GRSF1: variants seen among roughly 807,000 people sequenced by gnomAD.
GRSF1 encodes the protein G-rich RNA sequence binding factor 1.
Under a neutral mutation model 51.1 loss-of-function variants are expected in GRSF1, and 50 were observed. The ratio of observed to expected loss-of-function variants is 0.98; its 90% CI spans 0.78 to 1.24. GRSF1 has a LOEUF of 1.24. Among genes scored for constraint, GRSF1 ranks in the 50% most tolerant of loss-of-function variants. The probability of loss-of-function intolerance (pLI) is 0.00; values close to 1 mark genes in which losing one functional copy is unlikely to be tolerated. For synonymous variants in GRSF1, 293 were observed against 253.3 expected (o/e 1.16, Z -1.49); for missense variants, 700 against 639.7 (o/e 1.09, Z -1.02).
intron 1 of GRSF1, 137 bp downstream of exon 1, chr4:70,839,334 G>A (rs1301555863): frequency 2.7e-6 from 4 of 1,503,774 alleles, no homozygotes; most frequent in Admixed American, 2.0e-5. Flanking sequence ...CAGGGTGGAC[G>A]GGGGCGGGTG....
intron 2 of GRSF1, among the ~76,000 whole-genome samples, chr4:70,833,917 G>A (rs1734088206): frequency 6.6e-6 from 1 of 152,150 alleles, no homozygotes; most frequent in South Asian, 2.1e-4. Flanking sequence ...GGCTCACTCT[G>A]GGCATACTGC....
rs1349076086 is a variant in GRSF1 at position 70,823,147 on chromosome 4, G to A, written c.*25+1147C>T. ...ACAGTGGCTCACGCCTGTAATCCCA[G>A]CACTTTGGGAGGCCGAGGCAGGCGG... On this transcript the variant is annotated intron_variant, in intron 9 of 9. Transcript: ENST00000254799. Among the ~76,000 whole-genome samples, 3 of 152,166 alleles carry A rather than the reference G, an allele frequency of 2.0e-5. No individual in the cohort carries two copies. In the East Asian group the frequency reaches 5.8e-4, roughly 29 times the overall value.
chr4:70,820,703 C>CT lies in GRSF1; in HGVS notation c.*183dup, dbSNP rs1449538702. 6.6e-6 allele frequency: 1 copy of CT among 152,582 alleles called. No homozygotes were observed. The highest frequency in any genetic ancestry group is 1.9e-4 in the East Asian group (1 of 5,202). 9.5% of individuals were successfully genotyped at this position (152,582 alleles called of 1,614,324 possible). A position where few individuals can be genotyped will look rare whatever the true frequency, so the allele number is the denominator to read the frequency against. On this transcript the variant is annotated 3_prime_UTR_variant, in exon 10 of 10. Transcript: ENST00000254799. ...TTTATTTCATAATCCCAAACTGGAT[C>CT]TTTCATTTCTTCTTCTAAACAGTCC... is the stretch of plus-strand genomic sequence containing the variant.
At position 70,836,139 on chromosome 4, in the gene GRSF1, A is replaced by C. The variant is rs751512600; in HGVS notation, c.514+19T>G. 8.0e-6 allele frequency: 11 copies of C among 1,373,202 alleles called. No homozygotes were observed. The highest frequency in any genetic ancestry group is 1.8e-4 in the Middle Eastern group (1 of 5,442). The allele number at this position is 1,373,202 out of a possible 1,614,324, so 85.1% of individuals were successfully genotyped here. On this transcript the variant is annotated intron_variant, in intron 2 of 9. Coordinates refer to ENST00000254799, the MANE Select transcript of GRSF1 (RefSeq NM_002092.4). ...TATAAGGAAAAAAAATAAATAAATA[A>C]AACATACATAAAATATACCTGAAAA...
In GRSF1 at chr4:70,816,828, T is replaced by C. The variant is rs909465381; in HGVS notation, c.*4059A>G. 1 of 152,198 alleles carries C rather than the reference T, an allele frequency of 6.6e-6. No homozygotes were observed. The highest frequency in any genetic ancestry group is 1.5e-5 in the Non-Finnish European group (1 of 68,048). 9.4% of individuals were successfully genotyped at this position (152,198 alleles called of 1,614,324 possible). Reference sequence around the variant, plus strand: ...TTGGACATGCATATAGAAAAAAAGATGAGACTGCAGGAGGCAGGCTATGGG... The same window carrying C: ...TTGGACATGCATATAGAAAAAAAGACGAGACTGCAGGAGGCAGGCTATGGG... On this transcript the variant is annotated 3_prime_UTR_variant, in exon 10 of 10. Coordinates refer to ENST00000254799, the MANE Select transcript of GRSF1 (RefSeq NM_002092.4).
Position 70,836,237 on chromosome 4 carries a change from T to C in GRSF1, c.435A>G (p.Glu145=). ...CTCGAATGAGAAAGACATCATCCAC[T>C]TCCTCTTCTAACTTGGACGGGGCCA... ...YELAPSKLEE[E]VDDVFLIRAQ... Residue 145 remains glutamate, a synonymous_variant, in exon 2 of 10, where the codon GAA becomes GAG. Coordinates refer to ENST00000254799, the MANE Select transcript of GRSF1 (RefSeq NM_002092.4). The C allele has an allele frequency of 6.2e-7, 1 of 1,610,666 alleles. No homozygotes were observed. Among genetic ancestry groups the C allele is most frequent in the Non-Finnish European group, 8.5e-7 (1 of 1,178,426 alleles).
rs893120567 is a variant in GRSF1, at chr4:70,832,570, T to C, written c.671-120A>G. ...AATTCAATAACTATTTTAATCTTTA[T>C]GCGCTTCTCTAGAGAAAATAACAAA... On this transcript the variant is annotated intron_variant, in intron 3 of 9. Coordinates refer to ENST00000254799, the MANE Select transcript of GRSF1 (RefSeq NM_002092.4). 8 of 612,950 alleles carry C rather than the reference T, an allele frequency of 1.3e-5. No individual in the cohort carries two copies. The South Asian group carries it at 1.5e-4, about 12-fold the overall frequency. 38.0% of individuals were successfully genotyped at this position (612,950 alleles called of 1,614,324 possible). A position where few individuals can be genotyped will look rare whatever the true frequency, so the allele number is the denominator to read the frequency against.
intron 9 of GRSF1, among the ~76,000 whole-genome samples, chr4:70,822,635 GTTTAAA>G (rs1238778794): frequency 2.7e-5 from 4 of 150,234 alleles, no homozygotes; most frequent in Non-Finnish European, 4.4e-5. Context: ...TGGAAAACGT[GTTTAAA>G]TTTAAGTGGG....
At position 70,820,437 on chromosome 4, in the gene GRSF1, G is replaced by A. The variant is rs1325945907; in HGVS notation, c.*450C>T. On this transcript the variant is annotated 3_prime_UTR_variant, in exon 10 of 10. Coordinates refer to ENST00000254799, the MANE Select transcript of GRSF1 (RefSeq NM_002092.4). Reference sequence around the variant, plus strand: ...CGTTCTTTGCTTTGGTGAATGTTTGGTTAAAATAAATCACTGTTTCACTCC... The same window carrying A: ...CGTTCTTTGCTTTGGTGAATGTTTGATTAAAATAAATCACTGTTTCACTCC... The A allele has an allele frequency of 6.6e-6, 1 of 152,388 alleles. No homozygotes were observed. The highest frequency in any genetic ancestry group is 1.5e-5 in the Non-Finnish European group (1 of 68,014). The allele number at this position is 152,388 out of a possible 1,614,324, so 9.4% of individuals were successfully genotyped here.
chr4:70,839,835 G>A lies in GRSF1; in HGVS notation c.-8C>T, dbSNP rs1339754256. On this transcript the variant is annotated 5_prime_UTR_variant, in exon 1 of 10. Coordinates refer to ENST00000254799, the MANE Select transcript of GRSF1 (RefSeq NM_002092.4). ...CCAGCGCGTGCCGGCCATGGACTCC[G>A]GAGGCGGCGCAGGGCCTGAAGGCAG... 1.3e-6 allele frequency: 2 copies of A among 1,488,518 alleles called. No homozygotes were observed. The highest frequency in any genetic ancestry group is 4.5e-5 in the Admixed American group (2 of 44,704). 92.2% of individuals were successfully genotyped at this position (1,488,518 alleles called of 1,614,324 possible).
intron 9 of GRSF1, among the ~76,000 whole-genome samples, chr4:70,823,205 T>C (rs909362891): frequency 2.0e-5 from 3 of 151,926 alleles, no homozygotes; most frequent in Admixed American, 2.0e-4. Flanking sequence ...AGACCAGCCA[T>C]GACCAACATG....
Position 70,825,481 on chromosome 4 carries a change from AC to A in GRSF1, c.1258-51del, listed in dbSNP as rs1472758926. 2.0e-6 allele frequency: 3 copies of A among 1,495,426 alleles called. No homozygotes were observed. In the South Asian group the frequency reaches 3.9e-5, roughly 20 times the overall value. The allele number at this position is 1,495,426 out of a possible 1,614,324, so 92.6% of individuals were successfully genotyped here. On this transcript the variant is annotated intron_variant, in intron 7 of 9. Transcript: ENST00000254799. ...AGAGGAACATGATGGATGTAAACCT[AC>A]CTAGAAGTCTGGTGGCTCTTCATCT...
chr4:70,834,116 G>A (rs886678024), intron 2 of GRSF1, among the ~76,000 whole-genome samples: 9 of 152,128 alleles, frequency 5.9e-5, no homozygotes, highest in South Asian at 2.1e-4. Context: ...AAAATTAGCC[G>A]GGCATGGTGA....
chr4:70,825,494 G>C, intron 7 of GRSF1, 63 bp from the exon 8 acceptor site: 1 of 1,354,552 alleles, frequency 7.4e-7, no homozygotes. Flanking sequence ...TAGAAGTCTG[G>C]TGGCTCTTCA....
rs553276352 is a variant in GRSF1 at position 70,817,762 on chromosome 4, T to A, written c.*3125A>T. 4.6e-5 allele frequency: 7 copies of A among 152,342 alleles called. No homozygotes were observed. The highest frequency in any genetic ancestry group is 5.9e-5 in the Non-Finnish European group (4 of 68,026). 9.4% of individuals were successfully genotyped at this position (152,342 alleles called of 1,614,324 possible). ...ACAATCCAGCAACCTGGTTCCTTGG[T>A]ATTTACCCAAAGGAGCTGAAAACGA... On this transcript the variant is annotated 3_prime_UTR_variant, in exon 10 of 10. Transcript: ENST00000254799.
intron 5 of GRSF1, among the ~76,000 whole-genome samples, chr4:70,831,299 G>C (rs376770066): frequency 6.6e-6 from 1 of 151,378 alleles, no homozygotes; most frequent in African/African-American, 2.4e-5. Context: ...AGGTTGCAGT[G>C]AGCCAAGATC....
upstream of GRSF1, among the ~76,000 whole-genome samples, chr4:70,841,682 G>T (rs939721865): frequency 6.6e-6 from 1 of 152,086 alleles, no homozygotes; most frequent in Non-Finnish European, 1.5e-5. Context: ...AGTTTGACTT[G>T]TTTAACCTGG....
rs568963583 is a variant in GRSF1 at position 70,836,256 on chromosome 4, G to C, written c.416C>G (p.Pro139Arg). The C allele has an allele frequency of 2.2e-5, 36 of 1,609,304 alleles. No individual in the cohort carries two copies. The East Asian group carries it at 7.6e-4, about 34-fold the overall frequency. Reference sequence around the variant, plus strand: ...ATCCACTTCCTCTTCTAACTTGGACGGGGCCAATTCATACTCAGGGGGTGG... The same window carrying C: ...ATCCACTTCCTCTTCTAACTTGGACCGGGCCAATTCATACTCAGGGGGTGG... ...LPPPPEYELA[P>R]SKLEEEVDDV... is the part of the protein sequence containing the mutation. Residue 139 changes from proline (P) to arginine (R), a missense_variant, in exon 2 of 10, where the codon CCG becomes CGG. By Grantham distance (103) the Pro-to-Arg change is moderately radical (BLOSUM62 -2). Coordinates refer to ENST00000254799, the MANE Select transcript of GRSF1 (RefSeq NM_002092.4).
intron 8 of GRSF1, 117 bp from the exon 9 acceptor site, chr4:70,824,485 T>A: frequency 3.3e-6 from 2 of 603,348 alleles, no homozygotes; most frequent in Non-Finnish European, 6.0e-6. Context: ...TTTCCCTAAT[T>A]AAAAACAAAA....
Sources: allele counts gnomAD v4.1 joint callset (sites outside exome capture counted in the v4.1 genomes callset), GRCh38; gene constraint gnomAD v4.1.1; transcripts MANE v1.5; gene names NCBI Gene and HGNC (gene_info 2026-07-23, HGNC 2026-07-21).